DOCK6: variants seen among roughly 807,000 people sequenced by gnomAD.
DOCK6 encodes dedicator of cytokinesis protein 6.
Under a neutral mutation model 230.3 loss-of-function variants are expected in DOCK6, and 167 were observed. The ratio of observed to expected loss-of-function variants is 0.73; its 90% CI spans 0.64 to 0.82. The LOEUF is 0.82. Among genes scored for constraint, DOCK6 ranks in the 40% least tolerant of loss-of-function variants. The pLI is 0.00. For missense variants in DOCK6, 2,598 were observed against 2,825.8 expected, an observed-to-expected ratio of 0.92 and a Z score of 1.83; for synonymous variants, 1,148 against 1,185.0, an observed-to-expected ratio of 0.97 and a Z score of 0.64.
intron 1 of DOCK6, 179 bp from the exon 2 acceptor site, chr19:11,253,905 C>A: frequency 1.9e-6 from 1 of 518,882 alleles, no homozygotes; most frequent in Non-Finnish European, 3.3e-6. Flanking sequence ...ACGCGTTCCC[C>A]ATCAAGCACA....
intron 24 of DOCK6, among the ~76,000 whole-genome samples, chr19:11,223,651 T>C (rs1359284241): frequency 6.6e-6 from 1 of 152,140 alleles, no homozygotes; most frequent in Non-Finnish European, 1.5e-5. Context: ...TTTTAATTAA[T>C]TAATTTATTT....
chr19:11,237,930 C>T (rs551376158), intron 16 of DOCK6, 115 bp downstream of exon 16: 4 of 1,430,688 alleles, frequency 2.8e-6, no homozygotes, highest in African/African-American at 2.8e-5. Flanking sequence ...GGAGCCTCTA[C>T]CTCTCTTCTT....
intron 24 of DOCK6, among the ~76,000 whole-genome samples, chr19:11,223,492 C>A (rs1281833159): frequency 6.6e-6 from 1 of 152,124 alleles, no homozygotes; most frequent in Non-Finnish European, 1.5e-5. Context: ...CGGGGAACTG[C>A]CAGGGCCAGG....
intron 37 of DOCK6, among the ~76,000 whole-genome samples, 155 bp downstream of exon 37, chr19:11,211,595 ACCTGTCCCCCTCACCTGTCTGCTCAG>A (rs2079386687): frequency 5.3e-5 from 1 of 18,954 alleles, no homozygotes; most frequent in African/African-American, 1.7e-4. Context: ...CTGTCTGCTC[ACCTGTCCCCCTCACCTGTCTGCTCAG>A]CTGTCTGCTC....
Position 11,253,233 on chromosome 19 carries a change from A to G in DOCK6, c.133-275T>C, listed in dbSNP as rs78506703. 0.013 allele frequency among the ~76,000 whole-genome samples: 1,930 copies of G among 152,234 alleles called. 47 individuals are homozygous for G. Among genetic ancestry groups the G allele is most frequent in the African/African-American group, 0.044 (1,810 of 41,528 alleles). The stretch of plus-strand genomic sequence containing the variant: ...CAGAAACTAACAGTGGAAGGAAAGA[A>G]ATGTTGACAGAGGCCAGGCAAGAGA... On this transcript the variant is annotated intron_variant, in intron 2 of 47. Transcript: ENST00000294618.
chr19:11,250,592 G>A (rs1306751820), intron 6 of DOCK6, among the ~76,000 whole-genome samples: 1 of 152,124 alleles, frequency 6.6e-6, no homozygotes, highest in Non-Finnish European at 1.5e-5. Context: ...TTACGGGCAT[G>A]AGCCACCATG....
intron 13 of DOCK6, among the ~76,000 whole-genome samples, chr19:11,242,438 C>T (rs2079962502): frequency 6.6e-6 from 1 of 152,008 alleles, no homozygotes; most frequent in African/African-American, 2.4e-5. Flanking sequence ...GTTGCTCAGG[C>T]TGGAGTGCAG....
intron 6 of DOCK6, among the ~76,000 whole-genome samples, chr19:11,249,405 GGAGGCT>G (rs1425160890): frequency 1.3e-5 from 2 of 151,968 alleles, no homozygotes; most frequent in African/African-American, 4.8e-5. Flanking sequence ...CAGCTACTCA[GGAGGCT>G]GAGGCAGAAG....
At chr19:11,252,316 G>A (rs950078397) in intron 4 of DOCK6, 68 bp from the exon 5 acceptor site, 1 of 1,563,776 alleles carries the variant, frequency 6.4e-7, no homozygotes, top group African/African-American at 1.4e-5. Context: ...AGTGTGTTCT[G>A]ACACACCTAC....
chr19:11,220,059 T>C (rs1391044333), intron 28 of DOCK6, among the ~76,000 whole-genome samples: 1 of 151,892 alleles, frequency 6.6e-6, no homozygotes, highest in African/African-American at 2.4e-5. Flanking sequence ...GTTCAAGCGA[T>C]ACTCCTGCCT....
chr19:11,258,844 C>T (rs1410705753), intron 1 of DOCK6, among the ~76,000 whole-genome samples: 2 of 151,700 alleles, frequency 1.3e-5, no homozygotes, highest in African/African-American at 4.8e-5. Context: ...GCAACCTCCA[C>T]GTCCCGGGTT....
intron 39 of DOCK6, chr19:11,208,264 C>G (rs2079295549): frequency 6.5e-6 from 1 of 154,096 alleles, no homozygotes; most frequent in South Asian, 1.9e-4. Context: ...CTCTGAGAAA[C>G]CCAATTCTCC....
At chr19:11,237,838 C>T in intron 16 of DOCK6, 59 bp from the exon 17 acceptor site, 2 of 1,519,574 alleles carry the variant, frequency 1.3e-6, no homozygotes, top group Non-Finnish European at 1.8e-6. Flanking sequence ...TCTGCCCCAT[C>T]ACCTCTGCCA....
intron 37 of DOCK6, among the ~76,000 whole-genome samples, chr19:11,211,533 C>T (rs1051356002): frequency 7.0e-6 from 1 of 143,632 alleles, no homozygotes; most frequent in Non-Finnish European, 1.5e-5. Flanking sequence ...CTGTCTGCTC[C>T]CCTATCCCCC....
At position 11,201,970 on chromosome 19, in the gene DOCK6, T is replaced by C; in HGVS notation, c.5607A>G (p.Gln1869=). 3.1e-6 allele frequency: 5 copies of C among 1,613,734 alleles called. No individual in the cohort carries two copies. Among genetic ancestry groups the C allele is most frequent in the Non-Finnish European group, 4.2e-6 (5 of 1,179,772 alleles). ...DGRAHGELPE[Q]HKRKTLLSTD... is the part of the protein sequence containing the mutation. ...TGCTGAGCAGCGTCTTACGCTTGTGTTGCTCGGGCAGCTCCCCGTGTGCGC... is the reference window on the plus strand; with the variant it reads ...TGCTGAGCAGCGTCTTACGCTTGTGCTGCTCGGGCAGCTCCCCGTGTGCGC... Residue 1869 remains glutamine, a synonymous_variant, in exon 44 of 48, where the codon CAA becomes CAG. Coordinates refer to ENST00000294618, the MANE Select transcript of DOCK6 (RefSeq NM_020812.4). The surrounding 1 kb of genome is among the most constrained non-coding windows in gnomAD (Gnocchi z 4.3).
chr19:11,248,281 C>A, intron 6 of DOCK6, 130 bp from the exon 7 acceptor site: 1 of 660,350 alleles, frequency 1.5e-6, no homozygotes, highest in Non-Finnish European at 2.6e-6. Flanking sequence ...TGCCTCTGAG[C>A]CTTTACACGT....
chr19:11,261,530 C>G (rs2080288297), intron 1 of DOCK6, among the ~76,000 whole-genome samples: 1 of 152,212 alleles, frequency 6.6e-6, no homozygotes, highest in Non-Finnish European at 1.5e-5. Context: ...GGACAGGTCC[C>G]CCGGGGAGAG....
In DOCK6 at chr19:11,240,255, G is replaced by A. The variant is rs369349857; in HGVS notation, c.1643+1790C>T. 1.1e-4 allele frequency: 174 copies of A among 1,583,740 alleles called. 2 individuals carry two copies. The highest frequency in any genetic ancestry group is 8.7e-4 in the South Asian group (75 of 86,390). ...GCGGCTAGAAGTCCAGCTGAGGAGC[G>A]CCTGGCTGGGCCCTGCCTACCGAGA... is the stretch of plus-strand genomic sequence containing the variant. On this transcript the variant is annotated intron_variant, in intron 14 of 47. Transcript: ENST00000294618.
In DOCK6 at chr19:11,243,168, T is replaced by G; in HGVS notation, c.1387-16A>C. 6.2e-7 allele frequency: 1 copy of G among 1,613,110 alleles called. No homozygotes were observed. Among genetic ancestry groups the G allele is most frequent in the Non-Finnish European group, 8.5e-7 (1 of 1,179,170 alleles). On this transcript the variant is annotated splice_polypyrimidine_tract_variant and intron_variant, in intron 12 of 47. Transcript: ENST00000294618. The surrounding 1 kb of genome is among the most constrained non-coding windows in gnomAD (Gnocchi z 6.3). ...GCTCAGCCTCCTACATGGGACCCAC[T>G]CCCGTCAGCCTGGGCCAGGGGGCTA...
Sources: allele counts gnomAD v4.1 joint callset (sites outside exome capture counted in the v4.1 genomes callset), GRCh38; gene constraint gnomAD v4.1.1; non-coding constraint Gnocchi (gnomAD v3.1); transcripts MANE v1.5; gene names NCBI Gene and HGNC (gene_info 2026-07-23, HGNC 2026-07-21).